RUBCNL: variants seen among roughly 807,000 people sequenced by gnomAD.
The protein encoded by RUBCNL is protein associated with UVRAG as autophagy enhancer.
In RUBCNL, 62 loss-of-function variants were observed where a neutral mutation model predicts 69.5. The ratio of observed to expected loss-of-function variants is 0.89; its 90% CI spans 0.73 to 1.10. The LOEUF (loss-of-function observed/expected upper bound fraction) is 1.10, where lower values mean the gene tolerates loss of function less well. Among genes scored for constraint, RUBCNL ranks in the 50% least tolerant of loss-of-function variants. RUBCNL has a pLI of 0.00. For synonymous variants in RUBCNL, 291 were observed against 303.6 expected, an observed-to-expected ratio of 0.96 and a Z score of 0.43; for missense variants, 768 against 798.1, an observed-to-expected ratio of 0.96 and a Z score of 0.45.
rs573933446 is a variant in RUBCNL, at chr13:46,353,115, A to G, written c.1331-2764T>C. On this transcript the variant is annotated intron_variant, in intron 10 of 14. Coordinates refer to ENST00000429979, the MANE Select transcript of RUBCNL (RefSeq NM_025113.5). Reference sequence around the variant, plus strand: ...TCATGTCCCACTCCTCCTCCGCTGCATTCGATGGTGGGAAAGGGAGAGGGA... The same window carrying G: ...TCATGTCCCACTCCTCCTCCGCTGCGTTCGATGGTGGGAAAGGGAGAGGGA... Among the ~76,000 whole-genome samples the G allele has an allele frequency of 8.5e-5, 13 of 152,324 alleles. No homozygotes were observed. In the South Asian group the frequency reaches 2.7e-3, roughly 32 times the overall value.
chr13:46,356,266 T>G (rs1418502719), intron 10 of RUBCNL, among the ~76,000 whole-genome samples, 166 bp downstream of exon 10: 1 of 152,138 alleles, frequency 6.6e-6, no homozygotes, highest in Non-Finnish European at 1.5e-5. Flanking sequence ...TCACACAGCC[T>G]TGTCAGTCAT....
chr13:46,386,199 T>G (rs970359514), intron 1 of RUBCNL, among the ~76,000 whole-genome samples: 1 of 152,116 alleles, frequency 6.6e-6, no homozygotes, highest in Non-Finnish European at 1.5e-5. Context: ...CAGTGGGGTA[T>G]GGCTGGAGTA....
At chr13:46,385,140 T>C in intron 1 of RUBCNL, 1 of 277,176 alleles carries the variant, frequency 3.6e-6, no homozygotes, top group Non-Finnish European at 5.5e-6. Context: ...AACAGAATTG[T>C]AGCACGTGTA....
intron 10 of RUBCNL, among the ~76,000 whole-genome samples, chr13:46,354,227 T>C (rs1356546958): frequency 6.6e-6 from 1 of 152,184 alleles, no homozygotes; most frequent in African/African-American, 2.4e-5. Flanking sequence ...AACTAAATTC[T>C]GAAACAGATA....
chr13:46,365,992 T>C (rs1049876181), intron 5 of RUBCNL, among the ~76,000 whole-genome samples: 4 of 152,154 alleles, frequency 2.6e-5, no homozygotes, highest in Admixed American at 6.5e-5. Context: ...AGGTAAGGGA[T>C]AGAAATGGGA....
chr13:46,362,272 CACATGCATACA>C (rs1448471481), intron 7 of RUBCNL, among the ~76,000 whole-genome samples: 4 of 152,008 alleles, frequency 2.6e-5, no homozygotes, highest in African/African-American at 9.7e-5. Context: ...AATATACACA[CACATGCATACA>C]TAAAATTCAC....
upstream of RUBCNL, chr13:46,387,311 C>A: frequency 5.1e-6 from 5 of 985,536 alleles, no homozygotes; most frequent in Non-Finnish European, 6.0e-6. Flanking sequence ...CGCCCCCCGC[C>A]TCCCACACGG....
At position 46,350,181 on chromosome 13, in the gene RUBCNL, G is replaced by T; in HGVS notation, c.1501C>A (p.Pro501Thr). The change falls in exon 11 of 15, where the codon CCC becomes ACC. Residue 501 changes from proline to threonine, a missense_variant. Transcript: ENST00000429979. Reference sequence around the variant, plus strand: ...CCGATGCTCAGCAAATTGAAAATGGGCTGGTGCCATATGCTGTCGAGCAGC... The same window carrying T: ...CCGATGCTCAGCAAATTGAAAATGGTCTGGTGCCATATGCTGTCGAGCAGC... ...KQLLDSIWHQ[P>T]IFNLLSIGQS... 1 of 1,589,234 alleles carries T rather than the reference G, an allele frequency of 6.3e-7. No homozygotes were observed. The highest frequency in any genetic ancestry group is 2.3e-5 in the East Asian group (1 of 43,872).
chr13:46,348,557 G>A (rs1431332127), intron 12 of RUBCNL, among the ~76,000 whole-genome samples: 6 of 151,494 alleles, frequency 4.0e-5, no homozygotes, highest in Admixed American at 3.9e-4. Flanking sequence ...CATGAGGCAC[G>A]TCTTTCCTGT....
At chr13:46,361,085 C>T (rs1445117514) in intron 8 of RUBCNL, among the ~76,000 whole-genome samples, 2 of 152,112 alleles carry the variant, frequency 1.3e-5, no homozygotes, top group Non-Finnish European at 2.9e-5. Flanking sequence ...GTTAGCTGGG[C>T]GTGGTGGCGT....
chr13:46,362,653 C>T (rs1222308962), intron 6 of RUBCNL, 55 bp from the exon 7 acceptor site: 12 of 1,274,380 alleles, frequency 9.4e-6, no homozygotes, highest in African/African-American at 1.5e-5. Flanking sequence ...TTCATTTAAT[C>T]GCAGTCCATT....
At chr13:46,385,357 A>C in intron 1 of RUBCNL, 12 of 612,960 alleles carry the variant, frequency 2.0e-5, no homozygotes, top group Non-Finnish European at 2.4e-5. Flanking sequence ...AAGATACACA[A>C]TATGACTAAC....
At chr13:46,367,927 G>T in intron 5 of RUBCNL, 115 bp downstream of exon 5, 1 of 982,908 alleles carries the variant, frequency 1.0e-6, no homozygotes, top group Non-Finnish European at 1.6e-6. Flanking sequence ...ACTATCTGAA[G>T]GTTCAGGCTT....
Position 46,350,335 on chromosome 13 carries a change from G to C in RUBCNL, c.1347C>G (p.Leu449=). ...TPVEPKFVKR[L]RYCEYLGKYF... ...ACTTCCCTAGGTATTCGCAGTACCG[G>C]AGCCGCTTCACAAACTCTGCCAAGC... Residue 449 remains leucine, a synonymous_variant, in exon 11 of 15, where the codon CTC becomes CTG. Coordinates refer to ENST00000429979, the MANE Select transcript of RUBCNL (RefSeq NM_025113.5). 1 of 1,543,302 alleles carries C rather than the reference G, an allele frequency of 6.5e-7. No individual in the cohort carries two copies. The highest frequency in any genetic ancestry group is 8.8e-7 in the Non-Finnish European group (1 of 1,139,526).
At chr13:46,353,050 C>T (rs894534478) in intron 10 of RUBCNL, among the ~76,000 whole-genome samples, 1 of 152,128 alleles carries the variant, frequency 6.6e-6, no homozygotes, top group Non-Finnish European at 1.5e-5. Context: ...GGCAGGATTC[C>T]AACCCAAGCC....
rs533787063 is a variant in RUBCNL at position 46,354,893 on chromosome 13, C to A, written c.1330+1539G>T. 8.3e-5 allele frequency: 38 copies of A among 456,146 alleles called. 2 individuals carry two copies. Among genetic ancestry groups the A allele is most frequent in the African/African-American group, 5.8e-4 (29 of 50,152 alleles). The allele number at this position is 456,146 out of a possible 1,614,324, so 28.3% of individuals were successfully genotyped here. On this transcript the variant is annotated intron_variant, in intron 10 of 14. Transcript: ENST00000429979. ...GGGAAATAACAAAAAGTTGGTGGAG[C>A]GATAGTCATATGTGTACAGTTTCTG...
chr13:46,385,123 G>T, intron 1 of RUBCNL: 2 of 213,814 alleles, frequency 9.4e-6, no homozygotes, highest in Non-Finnish European at 1.6e-5. Context: ...AGGATGGTGT[G>T]AGAACGAACA....
At chr13:46,378,176 G>A (rs867945564) in intron 1 of RUBCNL, among the ~76,000 whole-genome samples, 171 bp from the exon 2 acceptor site, 13 of 152,110 alleles carry the variant, frequency 8.5e-5, no homozygotes, top group African/African-American at 1.9e-4. Context: ...GGTAACAGAC[G>A]GGACTAAAAT....
intron 2 of RUBCNL, among the ~76,000 whole-genome samples, chr13:46,373,388 CTT>C (rs1292606257): frequency 1.3e-5 from 2 of 152,186 alleles, no homozygotes; most frequent in Non-Finnish European, 2.9e-5. Context: ...CTTCATGTAA[CTT>C]ATATTACCTT....
Sources: gnomAD v4.1 joint callset for allele counts (sites outside exome capture counted in the v4.1 genomes callset) on GRCh38, gnomAD v4.1.1 for gene constraint, MANE v1.5 for transcripts, NCBI Gene and HGNC (gene_info 2026-07-23, HGNC 2026-07-21) for gene names.